Variants in ACMSD observed in about 807,000 individuals in gnomAD.
ACMSD encodes the protein 2-amino-3-carboxymuconate-6-semialdehyde decarboxylase.
ACMSD carries 37 observed loss-of-function variants against 45.9 expected under a neutral mutation model. The ratio of observed to expected loss-of-function variants is 0.81; its 90% CI spans 0.62 to 1.06. The LOEUF is 1.06. ACMSD is among the 50% of genes least tolerant of loss of function. ACMSD has a pLI of 0.00. For missense variants in ACMSD, 434 were observed against 420.9 expected, an observed-to-expected ratio of 1.03 and a Z score of -0.27; for synonymous variants, 138 against 148.8, an observed-to-expected ratio of 0.93 and a Z score of 0.53.
intron 8 of ACMSD, among the ~76,000 whole-genome samples, chr2:134,877,024 T>C (rs1227250551): frequency 2.6e-5 from 4 of 152,168 alleles, no homozygotes; most frequent in African/African-American, 9.7e-5. Flanking sequence ...CCACCCACCT[T>C]GGCCTCCCTA....
chr2:134,862,132 C>T (rs1687877952), intron 4 of ACMSD, 114 bp downstream of exon 4: 3 of 1,094,666 alleles, frequency 2.7e-6, no homozygotes, highest in South Asian at 2.5e-5. Context: ...CCCCCAACAA[C>T]TGTCCTCCCC....
At chr2:134,874,349 GA>G (rs1559057160) in intron 8 of ACMSD, among the ~76,000 whole-genome samples, 1 of 152,174 alleles carries the variant, frequency 6.6e-6, no homozygotes. Context: ...CCAGGACATA[GA>G]AGCGGTATAT....
chr2:134,895,181 C>A (rs1351102274), intron 8 of ACMSD, among the ~76,000 whole-genome samples: 1 of 151,666 alleles, frequency 6.6e-6, no homozygotes, highest in Non-Finnish European at 1.5e-5. Context: ...TGGCATGCAC[C>A]TGTAATCCCA....
Position 134,871,015 on chromosome 2 carries a change from G to T in ACMSD, c.631G>T (p.Val211Leu). 6.2e-7 allele frequency: 1 copy of T among 1,614,158 alleles called. No individual in the cohort carries two copies. The highest frequency in any genetic ancestry group is 1.7e-5 in the Admixed American group (1 of 60,008). Residue 211 changes from valine to leucine, a missense_variant, in exon 7 of 10, where the codon GTA becomes TTA. By Grantham distance (32) the Val-to-Leu change is conservative. Transcript: ENST00000356140. ...IAICSMIMGG[V>L]FEKFPKLKVC... ...CATTTGCTCCATGATCATGGGTGGA[G>T]TATTTGAGAAGTTTCCCAAACTGAA... is the stretch of plus-strand genomic sequence containing the variant.
At chr2:134,889,627 A>G (rs1055617101) in intron 8 of ACMSD, among the ~76,000 whole-genome samples, 14 of 152,224 alleles carry the variant, frequency 9.2e-5, no homozygotes, top group African/African-American at 2.9e-4. Context: ...ATTAGGTAAT[A>G]TAAGTAAAGG....
intron 1 of ACMSD, among the ~76,000 whole-genome samples, chr2:134,841,168 T>C (rs1370076317): frequency 6.6e-6 from 1 of 152,190 alleles, no homozygotes; most frequent in Non-Finnish European, 1.5e-5. Context: ...GGAGAAATAA[T>C]TTACATAAAC....
At position 134,863,446 on chromosome 2, in the gene ACMSD, G is replaced by A. The variant is rs1687937504; in HGVS notation, c.301G>A (p.Ala101Thr). ...GTGCCAGCTTTTAAACAACGACCTT[G>A]CCAGCACCGTTGTGAGCTACCCCAG... ...NLCQLLNNDL[A>T]STVVSYPRRF... The change falls in exon 5 of 10, where the codon GCC becomes ACC. Residue 101 changes from alanine to threonine, a missense_variant. Transcript: ENST00000356140. 2.5e-6 allele frequency: 4 copies of A among 1,614,226 alleles called. No individual in the cohort carries two copies. The highest frequency in any genetic ancestry group is 3.4e-6 in the Non-Finnish European group (4 of 1,180,048).
At chr2:134,845,796 T>C (rs1404798778) in intron 2 of ACMSD, among the ~76,000 whole-genome samples, 1 of 152,186 alleles carries the variant, frequency 6.6e-6, no homozygotes, top group African/African-American at 2.4e-5. Flanking sequence ...CAAAGCCCTC[T>C]AGAAATAACG....
intron 3 of ACMSD, chr2:134,859,711 T>C (rs1206892533): frequency 6.0e-6 from 1 of 168,000 alleles, no homozygotes; most frequent in Non-Finnish European, 1.3e-5. Flanking sequence ...AGAATGACAA[T>C]TGCCTGCTTA....
rs114719063 is a variant in ACMSD, at chr2:134,858,322, T to C, written c.103-939T>C. Among the ~76,000 whole-genome samples the C allele has an allele frequency of 2.5e-3, 383 of 152,102 alleles. 1 individual carries two copies. Among genetic ancestry groups the C allele is most frequent in the African/African-American group, 8.7e-3 (362 of 41,492 alleles). ...TACTTATATGTAGAATCTAAAAAAG[T>C]CTAACTCACAGAAGCATCAAGAAAA... On this transcript the variant is annotated intron_variant, in intron 2 of 9. Coordinates refer to ENST00000356140, the MANE Select transcript of ACMSD (RefSeq NM_138326.3).
At chr2:134,895,333 TATATAATATATATATA>T (rs1690055014) in intron 8 of ACMSD, among the ~76,000 whole-genome samples, 1 of 145,922 alleles carries the variant, frequency 6.9e-6, no homozygotes, top group Admixed American at 6.9e-5. Flanking sequence ...ATATGTTATA[TATATAATATATATATA>T]ACATATATAA....
Position 134,862,005 on chromosome 2 carries a change from T to A in ACMSD, c.236T>A (p.Met79Lys). Residue 79 changes from methionine to lysine, a missense_variant, in exon 4 of 10, where the codon ATG (methionine) becomes AAG (lysine). Coordinates refer to ENST00000356140, the MANE Select transcript of ACMSD (RefSeq NM_138326.3). ...CAAGCCCTTTCCACAGTTCCTGTCA[T>A]GTTTAGCTACTGGGTGAGTGTGAAA... ...TVQALSTVPV[M>K]FSYWAKPEDT... is the part of the protein sequence containing the mutation. 6.2e-7 allele frequency: 1 copy of A among 1,614,178 alleles called. No homozygotes were observed. Among genetic ancestry groups the A allele is most frequent in the Non-Finnish European group, 8.5e-7 (1 of 1,180,018 alleles).
At chr2:134,838,999 C>T (rs1460861873) in intron 1 of ACMSD, among the ~76,000 whole-genome samples, 1 of 152,040 alleles carries the variant, frequency 6.6e-6, no homozygotes, top group Non-Finnish European at 1.5e-5. Flanking sequence ...AATATCTGGA[C>T]AATTTAAATA....
chr2:134,889,419 T>C (rs1348590001), intron 8 of ACMSD, among the ~76,000 whole-genome samples: 1 of 152,068 alleles, frequency 6.6e-6, no homozygotes, highest in Non-Finnish European at 1.5e-5. Context: ...AAGTATAAAG[T>C]GAGCTAGAAC....
chr2:134,901,610 A>T (rs181030769), intron 9 of ACMSD, among the ~76,000 whole-genome samples, 188 bp from the exon 10 acceptor site: 147 of 152,270 alleles, frequency 9.7e-4, no homozygotes, highest in African/African-American at 3.4e-3. Flanking sequence ...ATCAAGTTTC[A>T]GATTTAGATT....
rs1687935708 is a variant in ACMSD, at chr2:134,863,421, G to A, written c.276G>A (p.Leu92=). 6.2e-7 allele frequency: 1 copy of A among 1,614,194 alleles called. No individual in the cohort carries two copies. The highest frequency in any genetic ancestry group is 1.3e-5 in the African/African-American group (1 of 75,050). The part of the protein sequence containing the change: ...YWAKPEDTLN[L]CQLLNNDLAS... ...CCAAACCTGAGGACACTTTAAACCT[G>A]TGCCAGCTTTTAAACAACGACCTTG... The change falls in exon 5 of 10, where the codon CTG becomes CTA. Residue 92 remains leucine (L), a synonymous_variant. Coordinates refer to ENST00000356140, the MANE Select transcript of ACMSD (RefSeq NM_138326.3).
At chr2:134,861,927 A>C in intron 3 of ACMSD, 42 bp from the exon 4 acceptor site, 1 of 1,612,330 alleles carries the variant, frequency 6.2e-7, no homozygotes, top group Non-Finnish European at 8.5e-7. Context: ...TGCCCAGCCT[A>C]TTCTTCTCAC....
intron 5 of ACMSD, 31 bp from the exon 6 acceptor site, chr2:134,867,548 C>T: frequency 3.4e-6 from 5 of 1,473,474 alleles, no homozygotes; most frequent in Non-Finnish European, 4.7e-6. Flanking sequence ...TCAAAGTAAC[C>T]CTCTCTCTCT....
chr2:134,882,662 T>C (rs1221685563), intron 8 of ACMSD, among the ~76,000 whole-genome samples: 1 of 152,242 alleles, frequency 6.6e-6, no homozygotes, highest in Non-Finnish European at 1.5e-5. Flanking sequence ...AAATCTCTGG[T>C]ATGCTAGAAT....
Sources: gnomAD v4.1 joint callset for allele counts (sites outside exome capture counted in the v4.1 genomes callset) on GRCh38, gnomAD v4.1.1 for gene constraint, MANE v1.5 for transcripts, NCBI Gene and HGNC (gene_info 2026-07-23, HGNC 2026-07-21) for gene names.